Variants in CHSY3 observed in about 807,000 individuals in gnomAD.
The protein encoded by CHSY3 is N-acetylgalactosaminyl-proteoglycan 3-beta-glucuronosyltransferase 3.
In CHSY3, 35 loss-of-function variants were observed where a neutral mutation model predicts 67.2. The observed-to-expected ratio is 0.52, with a 90% CI of 0.40 to 0.69. CHSY3 has a LOEUF of 0.69. CHSY3 is among the 30% of genes least tolerant of loss of function. CHSY3 has a pLI of 0.00. For missense variants in CHSY3, 1,069 were observed against 1,138.5 expected (o/e 0.94, Z 0.88); for synonymous variants, 474 against 434.7 (o/e 1.09, Z -1.12).
intron 2 of CHSY3, among the ~76,000 whole-genome samples, chr5:130,178,253 A>ATATTTTTTTTTTTT (rs1205782386): frequency 1.1e-4 from 5 of 45,912 alleles, no homozygotes; most frequent in South Asian, 1.9e-3. Context: ...ATATATATAT[A>ATATTTTTTTTTTTT]TTTTTTTTTT....
At chr5:130,137,880 A>C (rs1768716737) in intron 2 of CHSY3, among the ~76,000 whole-genome samples, 11 of 152,168 alleles carry the variant, frequency 7.2e-5, no homozygotes, top group Admixed American at 7.2e-4. Context: ...GCCATATGGC[A>C]ATGTGGACCC....
chr5:130,128,596 T>C (rs1490275479), intron 2 of CHSY3, among the ~76,000 whole-genome samples: 1 of 152,244 alleles, frequency 6.6e-6, no homozygotes, highest in South Asian at 2.1e-4. Context: ...TGCAGCTTAG[T>C]GCCTATAGCT....
intron 2 of CHSY3, among the ~76,000 whole-genome samples, chr5:130,068,521 G>T (rs375118122): frequency 7.9e-5 from 12 of 152,120 alleles, no homozygotes; most frequent in South Asian, 4.1e-4. Context: ...CCCTTTCCTA[G>T]TACAGAAACC....
intron 2 of CHSY3, among the ~76,000 whole-genome samples, chr5:130,006,745 A>G (rs1231003862): frequency 6.6e-6 from 1 of 152,172 alleles, no homozygotes; most frequent in Admixed American, 6.5e-5. Context: ...TTAAAATTTA[A>G]TACATTTATT....
intron 2 of CHSY3, among the ~76,000 whole-genome samples, chr5:130,100,874 G>A (rs1360888907): frequency 6.6e-6 from 1 of 152,128 alleles, no homozygotes; most frequent in Non-Finnish European, 1.5e-5. Flanking sequence ...ACAATTTGTT[G>A]ACTTTTTGAT....
At chr5:129,926,610 C>T (rs1021871325) in intron 2 of CHSY3, among the ~76,000 whole-genome samples, 9 of 150,822 alleles carry the variant, frequency 6.0e-5, no homozygotes, top group African/African-American at 1.9e-4. Context: ...TTTGGTTTCC[C>T]TTTTTTTTTA....
intron 1 of CHSY3, chr5:129,905,843 T>G: frequency 9.5e-7 from 1 of 1,057,096 alleles, no homozygotes; most frequent in Non-Finnish European, 1.3e-6. Flanking sequence ...TCCTCACACC[T>G]GCCTGGCTTT....
At chr5:130,145,707 G>A (rs1047862510) in intron 2 of CHSY3, among the ~76,000 whole-genome samples, 6 of 152,076 alleles carry the variant, frequency 3.9e-5, no homozygotes, top group Non-Finnish European at 7.4e-5. Flanking sequence ...ACATCTGACA[G>A]TGGGTTAATA....
At chr5:129,952,011 T>C (rs1243875274) in intron 2 of CHSY3, among the ~76,000 whole-genome samples, 2 of 152,166 alleles carry the variant, frequency 1.3e-5, no homozygotes, top group Admixed American at 1.3e-4. Flanking sequence ...AGAAAAATCA[T>C]TATCACATAA....
intron 2 of CHSY3, among the ~76,000 whole-genome samples, chr5:129,925,309 G>A (rs1761066981): frequency 6.6e-6 from 1 of 152,182 alleles, no homozygotes; most frequent in African/African-American, 2.4e-5. Context: ...TGACATGAGA[G>A]TAAGGTTCCA....
chr5:130,143,780 ATGTGTATATATATATATATATATATG>A (rs1561557187), intron 2 of CHSY3, among the ~76,000 whole-genome samples: 4 of 60,406 alleles, frequency 6.6e-5, no homozygotes, highest in African/African-American at 1.9e-4. Context: ...ATATATATAT[ATGTGTATATATATATATATATATATG>A]TGTGTATATA....
At chr5:129,919,997 TATTCAATTATTAACC>T (rs1760866180) in intron 2 of CHSY3, among the ~76,000 whole-genome samples, 2 of 152,168 alleles carry the variant, frequency 1.3e-5, no homozygotes, top group Non-Finnish European at 2.9e-5. Context: ...AAATGTACAG[TATTCAATTATTAACC>T]ATGTTTACCA....
At chr5:129,960,121 C>A (rs1474374504) in intron 2 of CHSY3, among the ~76,000 whole-genome samples, 2 of 152,072 alleles carry the variant, frequency 1.3e-5, no homozygotes, top group Non-Finnish European at 2.9e-5. Context: ...CCATTCCCGG[C>A]ACACTTAGCA....
intron 2 of CHSY3, among the ~76,000 whole-genome samples, chr5:129,979,490 C>T (rs935467566): frequency 4.6e-5 from 7 of 152,018 alleles, no homozygotes; most frequent in African/African-American, 1.4e-4. Context: ...TTTTTCTTCA[C>T]AGCAGAATTG....
At chr5:130,038,088 G>A (rs1283278791) in intron 2 of CHSY3, among the ~76,000 whole-genome samples, 1 of 152,020 alleles carries the variant, frequency 6.6e-6, no homozygotes, top group Non-Finnish European at 1.5e-5. Context: ...ACCTGTATTA[G>A]CAGGTTAATT....
chr5:130,119,318 G>A (rs1464457943), intron 2 of CHSY3, among the ~76,000 whole-genome samples: 1 of 152,110 alleles, frequency 6.6e-6, no homozygotes, highest in African/African-American at 2.4e-5. Context: ...GTGCAGTTCA[G>A]CATTTCCCAG....
chr5:129,904,768 C>T lies in CHSY3; in HGVS notation c.-62C>T. On this transcript the variant is annotated 5_prime_UTR_variant, in exon 1 of 3. Transcript: ENST00000305031. ...AAGGCGGAGGAGGGGCGGGTGTGAGCCGGGGAAACCGCGTGCCGCGCCGCG... is the reference window on the plus strand; with the variant it reads ...AAGGCGGAGGAGGGGCGGGTGTGAGTCGGGGAAACCGCGTGCCGCGCCGCG... 1 of 1,299,892 alleles carries T rather than the reference C, an allele frequency of 7.7e-7. No individual in the cohort carries two copies. Among genetic ancestry groups the T allele is most frequent in the South Asian group, 2.3e-5 (1 of 42,692 alleles). The allele number at this position is 1,299,892 out of a possible 1,614,324, so 80.5% of individuals were successfully genotyped here.
At chr5:130,085,046 A>G (rs1766568165) in intron 2 of CHSY3, among the ~76,000 whole-genome samples, 1 of 152,038 alleles carries the variant, frequency 6.6e-6, no homozygotes, top group Non-Finnish European at 1.5e-5. Context: ...AGAAGAAAGT[A>G]TAATGAGGCA....
chr5:130,177,924 A>C (rs926257869), intron 2 of CHSY3, among the ~76,000 whole-genome samples: 3 of 151,686 alleles, frequency 2.0e-5, no homozygotes, highest in Non-Finnish European at 4.4e-5. Context: ...AATTCCTTAA[A>C]CTTTTCCCAC....
Sources: allele counts gnomAD v4.1 joint callset (sites outside exome capture counted in the v4.1 genomes callset), GRCh38; gene constraint gnomAD v4.1.1; transcripts MANE v1.5; gene names NCBI Gene and HGNC (gene_info 2026-07-23, HGNC 2026-07-21).